SLC8A1: variants seen among roughly 807,000 people sequenced by gnomAD.
SLC8A1 encodes the protein solute carrier family 8 member A1, also known as sodium/calcium exchanger 1.
In SLC8A1, 18 loss-of-function variants were observed where a neutral mutation model predicts 68.3. The observed-to-expected ratio is 0.26, with a 90% CI of 0.18 to 0.39. The LOEUF is 0.39. Ranked by LOEUF, SLC8A1 falls within the 10% of genes least tolerant of loss-of-function variation. The pLI is 1.00. For missense variants in SLC8A1, 985 were observed against 1,156.7 expected (o/e 0.85, Z 2.15); for synonymous variants, 475 against 415.5 (o/e 1.14, Z -1.74).
chr2:40,429,973 A>G, exon 2 of SLC8A1: 1 of 1,613,878 alleles, frequency 6.2e-7, no homozygotes, highest in Non-Finnish European at 8.5e-7. Flanking sequence ...GATGACTTCT[A>G]TAGAGGACAT....
chr2:40,338,792 A>G (rs950922234), intron 2 of SLC8A1, among the ~76,000 whole-genome samples: 1 of 152,220 alleles, frequency 6.6e-6, no homozygotes, highest in African/African-American at 2.4e-5. Flanking sequence ...GAAAGGTATC[A>G]TATGTATTAC....
intron 2 of SLC8A1, among the ~76,000 whole-genome samples, chr2:40,311,796 G>C (rs2073733421): frequency 6.6e-6 from 1 of 151,854 alleles, no homozygotes; most frequent in South Asian, 2.1e-4. Flanking sequence ...TGAATATTGT[G>C]TTTGCAAGAC....
At chr2:40,281,758 G>A (rs2067560768) in intron 2 of SLC8A1, among the ~76,000 whole-genome samples, 2 of 152,236 alleles carry the variant, frequency 1.3e-5, no homozygotes, top group Admixed American at 1.3e-4. Context: ...GCAGAGAGCA[G>A]TGATTACTTC....
At chr2:40,106,463 G>A (rs1360668837) in exon 8 of SLC8A1, 2 of 151,438 alleles carry the variant, frequency 1.3e-5, no homozygotes, top group Non-Finnish European at 2.9e-5. Flanking sequence ...TGATAAGAAA[G>A]GTTCTCATAA....
intron 2 of SLC8A1, among the ~76,000 whole-genome samples, chr2:40,338,433 C>A (rs903162857): frequency 3.3e-5 from 5 of 152,012 alleles, no homozygotes; most frequent in Admixed American, 1.3e-4. Context: ...GGAATGAATA[C>A]CAGCTATTCT....
chr2:40,178,056 G>A (rs11686356), intron 2 of SLC8A1, among the ~76,000 whole-genome samples: 6,934 of 152,236 alleles, frequency 0.046, 226 homozygotes, highest in Non-Finnish European at 0.072. Flanking sequence ...TCACTTTCAC[G>A]AATTATTCCC....
intron 1 of SLC8A1, among the ~76,000 whole-genome samples, chr2:40,477,811 A>G (rs1704385836): frequency 6.6e-6 from 1 of 152,132 alleles, no homozygotes; most frequent in Non-Finnish European, 1.5e-5. Flanking sequence ...ATGCAAAGAC[A>G]TTGAATAACC....
At chr2:40,376,595 G>C (rs1306773268) in intron 2 of SLC8A1, among the ~76,000 whole-genome samples, 1 of 152,070 alleles carries the variant, frequency 6.6e-6, no homozygotes, top group African/African-American at 2.4e-5. Context: ...AAGGGAAAGG[G>C]AAAAGGAAAA....
chr2:40,108,816 T>C (rs2034383303), exon 8 of SLC8A1: 1 of 152,198 alleles, frequency 6.6e-6, no homozygotes, highest in Admixed American at 6.5e-5. Flanking sequence ...CAGTCAAGTA[T>C]GTGATCTTCA....
intron 2 of SLC8A1, chr2:40,251,879 A>G (rs1404837049): frequency 6.6e-6 from 1 of 152,212 alleles, no homozygotes; most frequent in African/African-American, 2.4e-5. Flanking sequence ...CATTCATTCA[A>G]TATACATCGG....
rs998065315 is a variant in SLC8A1 at position 40,155,754 on chromosome 2, G to A, written c.2161+5011C>T. ...GCATGGATGGACTGATGACAGAAGC[G>A]TCCTTTAAACTGAACTAGTATCCAT... On this transcript the variant is annotated intron_variant, in intron 6 of 7. Transcript: ENST00000406785. Among the ~76,000 whole-genome samples the A allele has an allele frequency of 2.8e-4, 43 of 152,232 alleles. 1 individual carries two copies. The highest frequency in any genetic ancestry group is 9.6e-4 in the African/African-American group (40 of 41,534).
At chr2:40,317,340 G>A (rs1435919599) in intron 2 of SLC8A1, among the ~76,000 whole-genome samples, 1 of 151,974 alleles carries the variant, frequency 6.6e-6, no homozygotes, top group Non-Finnish European at 1.5e-5. Flanking sequence ...TTGGTTTTAT[G>A]AATCATATTT....
chr2:40,268,698 A>G (rs574613476), intron 2 of SLC8A1, among the ~76,000 whole-genome samples: 1 of 152,304 alleles, frequency 6.6e-6, no homozygotes, highest in South Asian at 2.1e-4. Flanking sequence ...GAATTATTCC[A>G]TTGTATCAGC....
intron 1 of SLC8A1, among the ~76,000 whole-genome samples, chr2:40,486,120 G>A (rs1704952502): frequency 6.6e-6 from 1 of 152,118 alleles, no homozygotes; most frequent in African/African-American, 2.4e-5. Context: ...TTTATAAGGG[G>A]CTTTCCCCCC....
upstream of SLC8A1, among the ~76,000 whole-genome samples, chr2:40,454,923 A>G (rs1014767517): frequency 6.6e-6 from 1 of 152,196 alleles, no homozygotes; most frequent in African/African-American, 2.4e-5. Context: ...GAAAGAAGAC[A>G]TGTTGAATGG....
intron 2 of SLC8A1, among the ~76,000 whole-genome samples, chr2:40,200,191 TTTATATATATATATAAATATATATATA>T: frequency 1.0e-4 from 1 of 9,828 alleles, no homozygotes; most frequent in South Asian, 2.0e-3. Context: ...TATATATATA[TTTATATATATATATAAATATATATATA>T]TTTTTTTATA....
At chr2:40,439,013 T>C (rs1300234933) in intron 1 of SLC8A1, among the ~76,000 whole-genome samples, 1 of 152,082 alleles carries the variant, frequency 6.6e-6, no homozygotes, top group East Asian at 1.9e-4. Context: ...TTAAGTAATA[T>C]GTCAGCTGTG....
intron 2 of SLC8A1, among the ~76,000 whole-genome samples, chr2:40,392,213 A>G (rs904035014): frequency 2.6e-5 from 4 of 151,784 alleles, no homozygotes; most frequent in Admixed American, 6.6e-5. Flanking sequence ...AAGAAAAAGA[A>G]AAAGAAAAGA....
chr2:40,469,149 T>C (rs17026051), intron 1 of SLC8A1, among the ~76,000 whole-genome samples: 12,944 of 152,184 alleles, frequency 0.085, 892 homozygotes, highest in East Asian at 0.31. Flanking sequence ...TCAAGTAGCA[T>C]TAAAGCATTA....
Sources: allele counts gnomAD v4.1 joint callset (sites outside exome capture counted in the v4.1 genomes callset), GRCh38; gene constraint gnomAD v4.1.1; transcripts MANE v1.5; gene names NCBI Gene and HGNC (gene_info 2026-07-23, HGNC 2026-07-21).